Variants in PRSS33 observed in about 807,000 individuals in gnomAD.
PRSS33 encodes the protein protease, serine 33.
Under a neutral mutation model 26.7 loss-of-function variants are expected in PRSS33, and 32 were observed. The ratio of observed to expected loss-of-function variants is 1.20; its 90% CI spans 0.90 to 1.61. PRSS33 has a LOEUF of 1.61. Ranked by LOEUF, PRSS33 falls within the 40% of genes most tolerant of loss-of-function variation. PRSS33 has a pLI of 0.00. For synonymous variants in PRSS33, 192 were observed against 177.6 expected, an observed-to-expected ratio of 1.08 and a Z score of -0.64; for missense variants, 450 against 396.3, an observed-to-expected ratio of 1.14 and a Z score of -1.15.
rs779395136 is a variant in PRSS33, at chr16:2,786,137, G to C, written c.47-16C>G. ...CCAGCAGCTCCTGGAGGAGGAAGCA[G>C]GGAAGGGACCAGATTATAGATTTGG... On this transcript the variant is annotated splice_polypyrimidine_tract_variant and intron_variant, in intron 2 of 6. Transcript: ENST00000682474. The C allele has an allele frequency of 2.5e-6, 4 of 1,610,918 alleles. No individual in the cohort carries two copies. The Admixed American group carries it at 6.7e-5, about 27-fold the overall frequency.
At chr16:2,785,274 C>G (rs1717973187) in intron 5 of PRSS33, 101 bp downstream of exon 5, 3 of 1,451,680 alleles carry the variant, frequency 2.1e-6, no homozygotes, top group East Asian at 2.4e-5. Context: ...AGAAGCCGCG[C>G]TGGGTCCTGG....
At position 2,784,429 on chromosome 16, in the gene PRSS33, C is replaced by G. The variant is rs1321769889; in HGVS notation, c.*215G>C. On this transcript the variant is annotated 3_prime_UTR_variant, in exon 7 of 7. Transcript: ENST00000682474. ...GAGTGTGACTCCCTGGGACTCATGG[C>G]AGATTCCTGGATGAGGGTTGGTGGA... is the stretch of plus-strand genomic sequence containing the variant. 1 of 498,756 alleles carries G rather than the reference C, an allele frequency of 2.0e-6. No homozygotes were observed. Among genetic ancestry groups the G allele is most frequent in the East Asian group, 3.3e-5 (1 of 30,430 alleles). The allele number at this position is 498,756 out of a possible 1,614,324, so 30.9% of individuals were successfully genotyped here. A position where few individuals can be genotyped will look rare whatever the true frequency, so the allele number is the denominator to read the frequency against.
Position 2,784,687 on chromosome 16 carries a change from A to C in PRSS33, c.800T>G (p.Val267Gly). 1 of 1,605,884 alleles carries C rather than the reference A, an allele frequency of 6.2e-7. No individual in the cohort carries two copies. Among genetic ancestry groups the C allele is most frequent in the Non-Finnish European group, 8.5e-7 (1 of 1,176,328 alleles). ...LPNRPGVYTS[V>G]ATYSPWIQAR... ...CTGAATCCAGGGGCTATATGTGGCCACACTGGTGTAGACCCCTGGACGGTT... is the reference window on the plus strand; with the variant it reads ...CTGAATCCAGGGGCTATATGTGGCCCCACTGGTGTAGACCCCTGGACGGTT... Residue 267 changes from valine to glycine, a missense_variant, in exon 7 of 7, where the codon GTG (valine) becomes GGG (glycine). Transcript: ENST00000682474.
chr16:2,784,439 G>C lies in PRSS33; in HGVS notation c.*205C>G, dbSNP rs2068849028. The C allele has an allele frequency of 1.9e-5, 10 of 515,412 alleles. No homozygotes were observed. The South Asian group carries it at 2.4e-4, about 12-fold the overall frequency. 31.9% of individuals were successfully genotyped at this position (515,412 alleles called of 1,614,324 possible). ...CCCTGGGACTCATGGCAGATTCCTGGATGAGGGTTGGTGGAGTCAGAGCTG... is the reference window on the plus strand; with the variant it reads ...CCCTGGGACTCATGGCAGATTCCTGCATGAGGGTTGGTGGAGTCAGAGCTG... On this transcript the variant is annotated 3_prime_UTR_variant, in exon 7 of 7. Coordinates refer to ENST00000682474, the MANE Select transcript of PRSS33 (RefSeq NM_152891.3).
At chr16:2,786,363 C>T in intron 2 of PRSS33, 139 bp downstream of exon 2, 1 of 1,047,776 alleles carries the variant, frequency 9.5e-7, no homozygotes, top group Non-Finnish European at 1.4e-6. Flanking sequence ...AGGTCAGTGG[C>T]AGAGAGGATT....
At position 2,785,400 on chromosome 16, in the gene PRSS33, G is replaced by C; in HGVS notation, c.489C>G (p.Thr163=). 2 of 1,434,364 alleles carry C rather than the reference G, an allele frequency of 1.4e-6. No individual in the cohort carries two copies. Among genetic ancestry groups the C allele is most frequent in the Non-Finnish European group, 9.1e-7 (1 of 1,104,844 alleles). 88.9% of individuals were successfully genotyped at this position (1,434,364 alleles called of 1,614,324 possible). The change falls in exon 5 of 7, where the codon ACC becomes ACG. Residue 163 remains threonine, a synonymous_variant. Coordinates refer to ENST00000682474, the MANE Select transcript of PRSS33 (RefSeq NM_152891.3). The stretch of plus-strand genomic sequence containing the variant: ...CTCCTGGGCGGAGGCTGCCCCAGCC[G>C]GTGACCCGGCATGGTGTGCCGGGCG... ...RPPPGTPCRV[T]GWGSLRPGVP... is the part of the protein sequence containing the mutation.
At position 2,785,133 on chromosome 16, in the gene PRSS33, C is replaced by CCTTACT; in HGVS notation, c.552_553insAGTAAG (p.Arg184_Val185insSerLys). 1 of 1,544,450 alleles carries CCTTACT rather than the reference C, an allele frequency of 6.5e-7. No homozygotes were observed. The highest frequency in any genetic ancestry group is 8.7e-7 in the Non-Finnish European group (1 of 1,147,694). The stretch of plus-strand genomic sequence containing the variant: ...CAGGTGCGCGAGTCCAGCAGCGGCA[C>CCTTACT]CCTTACTCCTTGTAGCGGTCGCCAC... On this transcript the variant is annotated inframe_insertion, in exon 6 of 7. Coordinates refer to ENST00000682474, the MANE Select transcript of PRSS33 (RefSeq NM_152891.3).
intron 3 of PRSS33, 49 bp from the exon 4 acceptor site, chr16:2,786,010 G>C (rs749584573): frequency 2.5e-6 from 4 of 1,612,744 alleles, no homozygotes; most frequent in Non-Finnish European, 3.4e-6. Context: ...CCTGGGGCCT[G>C]GGAGGCAGGT....
rs1473419390 is a variant in PRSS33 at position 2,786,230 on chromosome 16, A to G, written c.47-109T>C. The stretch of plus-strand genomic sequence containing the variant: ...GAGGGTGAAACAATGTTGCCCTGAC[A>G]TTGCGCCAGGCTTTCGTGCCGTCTG... On this transcript the variant is annotated intron_variant, in intron 2 of 6. Transcript: ENST00000682474. 17 of 1,073,506 alleles carry G rather than the reference A, an allele frequency of 1.6e-5. No individual in the cohort carries two copies. In the South Asian group the frequency reaches 1.9e-4, roughly 12 times the overall value. 66.5% of individuals were successfully genotyped at this position (1,073,506 alleles called of 1,614,324 possible). A position where few individuals can be genotyped will look rare whatever the true frequency, so the allele number is the denominator to read the frequency against.
Position 2,785,918 on chromosome 16 carries a change from C to A in PRSS33, c.123G>T (p.Arg41=), listed in dbSNP as rs991814085. ...PRMSSRIVGG[R]DGRDGEWPWQ... is the part of the protein sequence containing the mutation. ...ACGGCCACTCTCCGTCCCGGCCATC[C>A]CGGCCCCCAACGATCCGACTGGACA... Residue 41 remains arginine, a synonymous_variant, in exon 4 of 7, where the codon CGG becomes CGT. Transcript: ENST00000682474. The A allele has an allele frequency of 1.9e-6, 3 of 1,612,014 alleles. No individual in the cohort carries two copies. The African/African-American group carries it at 4.0e-5, about 22-fold the overall frequency.
Position 2,785,379 on chromosome 16 carries a change from T to G in PRSS33, c.510A>C (p.Pro170=), listed in dbSNP as rs776345050. 8.4e-6 allele frequency: 12 copies of G among 1,434,022 alleles called. No homozygotes were observed. Among genetic ancestry groups the G allele is most frequent in the Non-Finnish European group, 1.1e-5 (12 of 1,104,192 alleles). The allele number at this position is 1,434,022 out of a possible 1,614,324, so 88.8% of individuals were successfully genotyped here. ...AGCCCCGCCCTCCTGCCTTACCTCC[T>G]GGGCGGAGGCTGCCCCAGCCGGTGA... ...CRVTGWGSLR[P]GVPLPEWRPL... The change falls in exon 5 of 7, where the codon CCA becomes CCC. Residue 170 remains proline, a synonymous_variant. Transcript: ENST00000682474.
rs764121705 is a variant in PRSS33 at position 2,785,065 on chromosome 16, C to G, written c.621G>C (p.Glu207Asp). Residue 207 changes from glutamate (E) to aspartate (D), a missense_variant, in exon 6 of 7, where the codon GAG becomes GAC. Transcript: ENST00000682474. ...YHVGADVPQA[E>D]RIVLPGSLCA... ...ACAGACTCCCAGGCAGCACAATGCG[C>G]TCAGCCTGGGGCACGTCCGCGCCCA... is the stretch of plus-strand genomic sequence containing the variant. 23 of 1,578,288 alleles carry G rather than the reference C, an allele frequency of 1.5e-5. No individual in the cohort carries two copies. The East Asian group carries it at 5.3e-4, about 36-fold the overall frequency.
chr16:2,785,671 C>G, intron 4 of PRSS33, 25 bp from the exon 5 acceptor site: 1 of 1,469,526 alleles, frequency 6.8e-7, no homozygotes, highest in African/African-American at 1.4e-5. Flanking sequence ...CGGGGGACTA[C>G]TTCCAGCACC....
rs1454496432 is a variant in PRSS33 at position 2,785,911 on chromosome 16, G to A, written c.130C>T (p.Arg44Trp). Reference protein sequence around the residue: ...SSRIVGGRDGRDGEWPWQASI... With the variant: ...SSRIVGGRDGWDGEWPWQASI... ...GCCTGCCACGGCCACTCTCCGTCCCGGCCATCCCGGCCCCCAACGATCCGA... is the reference window on the plus strand; with the variant it reads ...GCCTGCCACGGCCACTCTCCGTCCCAGCCATCCCGGCCCCCAACGATCCGA... The change falls in exon 4 of 7, where the codon CGG becomes TGG. Residue 44 changes from arginine (R) to tryptophan (W), a missense_variant. Arg to Trp is a moderately radical substitution (Grantham distance 101). Transcript: ENST00000682474. 4 of 1,611,818 alleles carry A rather than the reference G, an allele frequency of 2.5e-6. No individual in the cohort carries two copies. The highest frequency in any genetic ancestry group is 3.4e-6 in the Non-Finnish European group (4 of 1,179,586).
In PRSS33 at chr16:2,784,989, G is replaced by C. The variant is rs779216851; in HGVS notation, c.684+13C>G. The C allele has an allele frequency of 1.3e-6, 2 of 1,596,136 alleles. No homozygotes were observed. Among genetic ancestry groups the C allele is most frequent in the Non-Finnish European group, 1.7e-6 (2 of 1,173,860 alleles). ...GGAGGGGACTCCGGAGGCTGGGGAG[G>C]CTGGGTGCACACCTGGCAGGCGTCC... On this transcript the variant is annotated intron_variant, in intron 6 of 6. Transcript: ENST00000682474.
chr16:2,785,763 T>A, intron 4 of PRSS33, 36 bp downstream of exon 4: 1 of 1,549,500 alleles, frequency 6.5e-7, no homozygotes, highest in Non-Finnish European at 8.7e-7. Flanking sequence ...CTTGCCTTCC[T>A]TGCACACCCC....
intron 5 of PRSS33, 67 bp from the exon 6 acceptor site, chr16:2,785,238 C>A (rs1168578211): frequency 1.4e-6 from 2 of 1,467,304 alleles, no homozygotes; most frequent in Non-Finnish European, 1.8e-6. Flanking sequence ...AAGCTGAGCT[C>A]TGAGTGAGAG....
In PRSS33 at chr16:2,785,414, G is replaced by A. The variant is rs766383815; in HGVS notation, c.475C>T (p.Pro159Ser). ...VPGARPPPGT[P>S]CRVTGWGSLR... ...CTGCCCCAGCCGGTGACCCGGCATG[G>A]TGTGCCGGGCGGCGGGCGGGCGCCG... The change falls in exon 5 of 7, where the codon CCA becomes TCA. Residue 159 changes from proline (P) to serine (S), a missense_variant. By Grantham distance (74) the Pro-to-Ser change is moderately conservative. Coordinates refer to ENST00000682474, the MANE Select transcript of PRSS33 (RefSeq NM_152891.3). The A allele has an allele frequency of 5.4e-5, 78 of 1,450,326 alleles. No individual in the cohort carries two copies. The highest frequency in any genetic ancestry group is 6.9e-5 in the Non-Finnish European group (77 of 1,113,644). 89.8% of individuals were successfully genotyped at this position (1,450,326 alleles called of 1,614,324 possible).
Position 2,785,646 on chromosome 16 carries a change from C to T in PRSS33, c.243G>A (p.Arg81=). The stretch of plus-strand genomic sequence containing the variant: ...CGCGGTACTCAGCTGGCAGTGCCCT[C>T]CTGCAGGACAGGAGCGGGGGACTAC... ...WVLTAAHCFP[R]RALPAEYRVR... Residue 81 remains arginine, a splice_region_variant and synonymous_variant, in exon 5 of 7, where the codon AGG becomes AGA. Coordinates refer to ENST00000682474, the MANE Select transcript of PRSS33 (RefSeq NM_152891.3). 2 of 1,487,686 alleles carry T rather than the reference C, an allele frequency of 1.3e-6. No homozygotes were observed. Among genetic ancestry groups the T allele is most frequent in the South Asian group, 1.3e-5 (1 of 78,378 alleles). The allele number at this position is 1,487,686 out of a possible 1,614,324, so 92.2% of individuals were successfully genotyped here.
Sources: allele counts gnomAD v4.1 joint callset, GRCh38; gene constraint gnomAD v4.1.1; transcripts MANE v1.5; gene names NCBI Gene and HGNC (gene_info 2026-07-23, HGNC 2026-07-21).